ACBD6: variants seen among roughly 807,000 people sequenced by gnomAD.
ACBD6 encodes the protein acyl-CoA-binding domain-containing protein 6.
Under a neutral mutation model 37.2 loss-of-function variants are expected in ACBD6, and 28 were observed. That is an observed-to-expected ratio of 0.75 (90% CI 0.56 to 1.03). The LOEUF (loss-of-function observed/expected upper bound fraction) is 1.03, where lower values mean the gene tolerates loss of function less well. Ranked by LOEUF, ACBD6 falls within the 50% of genes least tolerant of loss-of-function variation. ACBD6 has a pLI of 0.00. For missense variants in ACBD6, 340 were observed against 337.4 expected (o/e 1.01, Z -0.06); for synonymous variants, 113 against 126.8 (o/e 0.89, Z 0.73).
chr1:180,343,177 T>TA (rs1307420009), intron 6 of ACBD6, among the ~76,000 whole-genome samples: 1 of 151,922 alleles, frequency 6.6e-6, no homozygotes, highest in Non-Finnish European at 1.5e-5. Context: ...AGTTAAAATG[T>TA]AAAAAAATTC....
At chr1:180,364,935 G>A (rs933235126) in intron 6 of ACBD6, among the ~76,000 whole-genome samples, 2 of 152,028 alleles carry the variant, frequency 1.3e-5, no homozygotes, top group Non-Finnish European at 2.9e-5. Context: ...GGGTTTCGCC[G>A]TGTTAGCTAG....
At chr1:180,485,943 C>CA (rs545012657) in intron 3 of ACBD6, among the ~76,000 whole-genome samples, 4,193 of 118,998 alleles carry the variant, frequency 0.035, 60 homozygotes, top group Non-Finnish European at 0.039. Flanking sequence ...CTCCCAGTAG[C>CA]AAAAAAAAAA....
chr1:180,480,858 T>C (rs1651007960), intron 3 of ACBD6, among the ~76,000 whole-genome samples: 1 of 151,990 alleles, frequency 6.6e-6, no homozygotes, highest in African/African-American at 2.4e-5. Flanking sequence ...TGGTGAGGCC[T>C]TGTCTCTACT....
At chr1:180,432,862 ATC>A (rs1166848258) in intron 3 of ACBD6, among the ~76,000 whole-genome samples, 2 of 152,028 alleles carry the variant, frequency 1.3e-5, no homozygotes, top group African/African-American at 4.8e-5. Flanking sequence ...TCACGAAGAA[ATC>A]AAAAATCTGA....
chr1:180,389,234 G>A (rs931553540), intron 6 of ACBD6, among the ~76,000 whole-genome samples: 4 of 152,174 alleles, frequency 2.6e-5, no homozygotes, highest in Non-Finnish European at 4.4e-5. Context: ...TCCCACCTAT[G>A]AGTGAGAACA....
intron 6 of ACBD6, among the ~76,000 whole-genome samples, chr1:180,334,250 C>A (rs922133283): frequency 3.3e-5 from 5 of 152,212 alleles, no homozygotes; most frequent in African/African-American, 1.2e-4. Flanking sequence ...AGTAGCCTAA[C>A]TAGGAGGCAC....
At chr1:180,270,563 C>T (rs1443918603) in exon 14 of ACBD6, 7 of 152,370 alleles carry the variant, frequency 4.6e-5, no homozygotes, top group Admixed American at 2.0e-4. Context: ...CTAACAGGAA[C>T]TTGAGCTTGT....
chr1:180,300,202 C>A (rs1650079717), intron 7 of ACBD6, among the ~76,000 whole-genome samples: 1 of 152,156 alleles, frequency 6.6e-6, no homozygotes, highest in Non-Finnish European at 1.5e-5. Context: ...TCTGCACTCA[C>A]TGGATTTAAC....
At chr1:180,389,631 G>C (rs1653992753) in intron 6 of ACBD6, among the ~76,000 whole-genome samples, 1 of 152,224 alleles carries the variant, frequency 6.6e-6, no homozygotes. Context: ...GTGTAAAAGT[G>C]TTCCTATTTC....
intron 6 of ACBD6, among the ~76,000 whole-genome samples, chr1:180,359,821 C>A (rs1652779048): frequency 1.3e-5 from 2 of 152,136 alleles, no homozygotes; most frequent in South Asian, 2.1e-4. Context: ...TTCCAAAGTG[C>A]ATTTTAAGAA....
At chr1:180,377,949 AAATAAT>A (rs71118455) in intron 6 of ACBD6, among the ~76,000 whole-genome samples, 13,292 of 143,342 alleles carry the variant, frequency 0.093, 808 homozygotes, top group African/African-American at 0.16. Context: ...CTCTGTCTCA[AAATAAT>A]AATAATAATA....
chr1:180,461,236 G>C (rs986400052), intron 3 of ACBD6, among the ~76,000 whole-genome samples: 2 of 152,132 alleles, frequency 1.3e-5, no homozygotes, highest in Non-Finnish European at 2.9e-5. Context: ...AAACCTCTGA[G>C]AAATATGGGA....
In ACBD6 at chr1:180,358,883, C is replaced by G. The variant is rs373551372; in HGVS notation, c.663+38633G>C. On this transcript the variant is annotated intron_variant, in intron 6 of 7. Coordinates refer to ENST00000367595, the MANE Select transcript of ACBD6 (RefSeq NM_032360.4). The stretch of plus-strand genomic sequence containing the variant: ...TTAACTGCTACCACTTCTGCACTGA[C>G]CTCCTCTATGCAGTCTTCTCTGGAC... Among the ~76,000 whole-genome samples, 8 of 152,308 alleles carry G rather than the reference C, an allele frequency of 5.3e-5. 1 individual carries two copies. In the South Asian group the frequency reaches 1.4e-3, roughly 28 times the overall value.
chr1:180,408,281 T>C (rs531462838), intron 5 of ACBD6, among the ~76,000 whole-genome samples: 14 of 152,246 alleles, frequency 9.2e-5, no homozygotes, highest in African/African-American at 3.4e-4. Context: ...AGAGATTCAA[T>C]CAGAAAGCTG....
intron 5 of ACBD6, among the ~76,000 whole-genome samples, chr1:180,408,856 T>C (rs1647735543): frequency 6.6e-6 from 1 of 151,974 alleles, no homozygotes; most frequent in Non-Finnish European, 1.5e-5. Context: ...TAAAGACACA[T>C]TAAAAGAACT....
chr1:180,372,665 A>C (rs1653302862), intron 6 of ACBD6, among the ~76,000 whole-genome samples: 1 of 152,164 alleles, frequency 6.6e-6, no homozygotes, highest in Admixed American at 6.5e-5. Context: ...TAAAAAATGC[A>C]TCCTTAGAGA....
At chr1:180,271,760 C>A (rs1165727967) in exon 14 of ACBD6, 7 of 1,557,528 alleles carry the variant, frequency 4.5e-6, no homozygotes, top group Non-Finnish European at 6.2e-6. Context: ...TTCCAGCCGC[C>A]CGCCTAGGGG....
intron 6 of ACBD6, among the ~76,000 whole-genome samples, chr1:180,328,810 T>A (rs947538950): frequency 6.6e-6 from 1 of 152,108 alleles, no homozygotes; most frequent in Admixed American, 6.5e-5. Context: ...TCTGACAATT[T>A]AGAAGCTTGC....
chr1:180,431,482 G>C (rs1648810216), intron 3 of ACBD6, among the ~76,000 whole-genome samples: 1 of 152,078 alleles, frequency 6.6e-6, no homozygotes. Context: ...GAGAATAAAT[G>C]CTATGAAGAA....
Sources: gnomAD v4.1 joint callset for allele counts (sites outside exome capture counted in the v4.1 genomes callset) on GRCh38, gnomAD v4.1.1 for gene constraint, MANE v1.5 for transcripts, NCBI Gene and HGNC (gene_info 2026-07-23, HGNC 2026-07-21) for gene names.